Variants in TRAIP observed in about 807,000 individuals in gnomAD.
TRAIP encodes the protein E3 ubiquitin-protein ligase TRAIP.
Under a neutral mutation model 65.0 loss-of-function variants are expected in TRAIP, and 37 were observed. The observed-to-expected ratio is 0.57, with a 90% confidence interval of 0.44 to 0.75. The LOEUF (loss-of-function observed/expected upper bound fraction) is 0.75, where lower values mean the gene tolerates loss of function less well. Among genes scored for constraint, TRAIP ranks in the 30% least tolerant of loss-of-function variants. TRAIP has a pLI of 0.00. For synonymous variants in TRAIP, 187 were observed against 219.1 expected (o/e 0.85, Z 1.29); for missense variants, 481 against 579.4 (o/e 0.83, Z 1.74).
chr3:49,853,180 C>T (rs2352974), intron 1 of TRAIP, among the ~76,000 whole-genome samples: 69,541 of 151,424 alleles, frequency 0.46, 16,647 homozygotes, highest in African/African-American at 0.55. Flanking sequence ...TACACTATAC[C>T]AAAACTGCAG....
rs2081858914 is a variant in TRAIP at position 49,843,791 on chromosome 3, G to A, written c.408+10C>T. ...TATGAATTCTGTACCCATAAAACCT[G>A]AGGACCTACTTTCAGTGTGGAGCAC... On this transcript the variant is annotated intron_variant, in intron 5 of 14. Transcript: ENST00000331456. The A allele has an allele frequency of 1.2e-6, 2 of 1,611,108 alleles. No individual in the cohort carries two copies. The highest frequency in any genetic ancestry group is 1.3e-5 in the African/African-American group (1 of 74,886).
Position 49,829,068 on chromosome 3 carries a change from G to A in TRAIP, c.*35C>T, listed in dbSNP as rs904502572. The A allele has an allele frequency of 1.2e-6, 2 of 1,614,084 alleles. No individual in the cohort carries two copies. Among genetic ancestry groups the A allele is most frequent in the Non-Finnish European group, 1.7e-6 (2 of 1,179,958 alleles). On this transcript the variant is annotated 3_prime_UTR_variant, in exon 15 of 15. Coordinates refer to ENST00000331456, the MANE Select transcript of TRAIP (RefSeq NM_005879.3). ...GACAGTCCTTGACCTACAAGTTGCA[G>A]GCATGTGTCTGGCCATTGGTCAGAC...
chr3:49,847,518 TG>T lies in TRAIP; in HGVS notation c.240+6del. The T allele has an allele frequency of 1.3e-6, 2 of 1,594,154 alleles. No homozygotes were observed. Among genetic ancestry groups the T allele is most frequent in the Non-Finnish European group, 1.7e-6 (2 of 1,167,280 alleles). ...GAGTTCAGTAGAATCAGATAAATTC[TG>T]GGTACCTTTAAGAATTCTGCATCCA... On this transcript the variant is annotated splice_donor_region_variant and intron_variant, in intron 3 of 14. Coordinates refer to ENST00000331456, the MANE Select transcript of TRAIP (RefSeq NM_005879.3).
rs745919040 is a variant in TRAIP, at chr3:49,829,684, C to T, written c.1169G>A (p.Arg390Gln). 13 of 1,614,100 alleles carry T rather than the reference C, an allele frequency of 8.1e-6. No individual in the cohort carries two copies. Among genetic ancestry groups the T allele is most frequent in the Middle Eastern group, 1.6e-4 (1 of 6,062 alleles). The change falls in exon 13 of 15, where the codon CGG becomes CAG. Residue 390 changes from arginine to glutamine, a missense_variant. Physicochemically the swap from Arg to Gln is conservative, Grantham distance 43 (BLOSUM62 1). Coordinates refer to ENST00000331456, the MANE Select transcript of TRAIP (RefSeq NM_005879.3). ...CTGTTTCTGGCCTAGGATGGCATTC[C>T]GGACAAAAATAGGGAAGGCACCAAC... ...ELVGAFPIFV[R>Q]NAILGQKQPK... is the part of the protein sequence containing the mutation.
At chr3:49,831,199 C>G (rs1195834590) in intron 11 of TRAIP, among the ~76,000 whole-genome samples, 2 of 152,208 alleles carry the variant, frequency 1.3e-5, no homozygotes, top group African/African-American at 4.8e-5. Context: ...CCCTCTTGCT[C>G]CCTTCCACCT....
chr3:49,844,692 C>G (rs1223092552), intron 3 of TRAIP, 112 bp from the exon 4 acceptor site: 1 of 1,235,602 alleles, frequency 8.1e-7, no homozygotes, highest in African/African-American at 1.5e-5. Flanking sequence ...CCTTCTAGGG[C>G]ATGAATCCTG....
intron 4 of TRAIP, 52 bp from the exon 5 acceptor site, chr3:49,843,980 G>A: frequency 6.4e-7 from 1 of 1,561,684 alleles, no homozygotes; most frequent in Non-Finnish European, 8.7e-7. Context: ...CCATCCATCA[G>A]CAGAAGAACT....
At chr3:49,833,770 C>T (rs1178886777) in intron 10 of TRAIP, among the ~76,000 whole-genome samples, 4 of 152,174 alleles carry the variant, frequency 2.6e-5, no homozygotes, top group Admixed American at 6.5e-5. Flanking sequence ...TGAGCCACCG[C>T]GCCCGGCCTT....
At chr3:49,831,723 G>C (rs1328776809) in intron 11 of TRAIP, among the ~76,000 whole-genome samples, 193 bp downstream of exon 11, 1 of 152,202 alleles carries the variant, frequency 6.6e-6, no homozygotes, top group Non-Finnish European at 1.5e-5. Flanking sequence ...GGAATAATGA[G>C]AAAAGAGAAG....
At chr3:49,840,200 G>A (rs1448857958) in intron 9 of TRAIP, 84 bp downstream of exon 9, 1 of 1,262,496 alleles carries the variant, frequency 7.9e-7, no homozygotes, top group Non-Finnish European at 1.1e-6. Context: ...TGGTGCAAGG[G>A]TCCTGGGCAG....
chr3:49,833,680 C>T (rs1435368949), intron 10 of TRAIP, among the ~76,000 whole-genome samples: 1 of 152,060 alleles, frequency 6.6e-6, no homozygotes, highest in Non-Finnish European at 1.5e-5. Flanking sequence ...GGGGTTACAC[C>T]GTGTTAGCCA....
At chr3:49,855,198 C>G (rs1218300721) in intron 1 of TRAIP, among the ~76,000 whole-genome samples, 2 of 152,210 alleles carry the variant, frequency 1.3e-5, no homozygotes, top group African/African-American at 4.8e-5. Context: ...AGGATAGGCC[C>G]TAGCACTTTG....
At chr3:49,842,610 C>T in intron 5 of TRAIP, 63 bp from the exon 6 acceptor site, 1 of 1,471,390 alleles carries the variant, frequency 6.8e-7, no homozygotes, top group Non-Finnish European at 9.5e-7. Flanking sequence ...GCTAAAGTCA[C>T]TAGGAAAACT....
chr3:49,842,526 G>A lies in TRAIP; in HGVS notation c.430C>T (p.Gln144Ter), dbSNP rs1482292630. 1 of 1,613,770 alleles carries A rather than the reference G, an allele frequency of 6.2e-7. No individual in the cohort carries two copies. The highest frequency in any genetic ancestry group is 1.7e-5 in the Admixed American group (1 of 60,028). The part of the protein sequence containing the change: ...TLKKQMKYLE[Q>*]QQDETKQAQE... ...GCTTGTTTGGTCTCATCCTGCTGCTGCTCTAAGTACTTCATCTGCTTCTGA... is the reference window on the plus strand; with the variant it reads ...GCTTGTTTGGTCTCATCCTGCTGCTACTCTAAGTACTTCATCTGCTTCTGA... The change falls in exon 6 of 15, where the codon CAG (glutamine) becomes TAG (stop). Residue 144 changes from glutamine (Q) to a stop codon, truncating the protein, a stop_gained. Coordinates refer to ENST00000331456, the MANE Select transcript of TRAIP (RefSeq NM_005879.3). LOFTEE classifies it high-confidence loss of function.
At chr3:49,849,845 T>TC (rs2081916135) in intron 1 of TRAIP, among the ~76,000 whole-genome samples, 1 of 129,844 alleles carries the variant, frequency 7.7e-6, no homozygotes, top group African/African-American at 2.9e-5. Context: ...CTTTTCTTTT[T>TC]TTTTTTTTTT....
At position 49,856,443 on chromosome 3, in the gene TRAIP, C is replaced by T. The variant is rs2081970470; in HGVS notation, c.11G>A (p.Arg4His). Residue 4 changes from arginine (R) to histidine (H), a missense_variant, in exon 1 of 15, where the codon CGT becomes CAT. Physicochemically the swap from Arg to His is conservative, Grantham distance 29. Transcript: ENST00000331456. ...GTCGGAGCAGATAGTGCACAGAGCA[C>T]GGATAGGCATGATGGCTGGACTCAA... Reference protein sequence around the residue: MPIRALCTICSDFF... With the variant: MPIHALCTICSDFF... 1.2e-6 allele frequency: 2 copies of T among 1,613,896 alleles called. No individual in the cohort carries two copies. Among genetic ancestry groups the T allele is most frequent in the African/African-American group, 2.7e-5 (2 of 75,062 alleles).
At chr3:49,844,699 C>A in intron 3 of TRAIP, 119 bp from the exon 4 acceptor site, 1 of 1,087,452 alleles carries the variant, frequency 9.2e-7, no homozygotes, top group Non-Finnish European at 1.4e-6. Flanking sequence ...GGGCATGAAT[C>A]CTGCAGTGCC....
At chr3:49,836,528 A>C (rs796618105) in intron 10 of TRAIP, among the ~76,000 whole-genome samples, 2 of 149,630 alleles carry the variant, frequency 1.3e-5, no homozygotes, top group Non-Finnish European at 2.9e-5. Flanking sequence ...AAAGAAAAAG[A>C]AAAAGCAAAG....
chr3:49,838,747 A>G (rs988585320), intron 10 of TRAIP, among the ~76,000 whole-genome samples: 7 of 151,930 alleles, frequency 4.6e-5, no homozygotes, highest in Admixed American at 2.6e-4. Context: ...TTAGCTGGGC[A>G]TGGTGACACA....
Sources: gnomAD v4.1 joint callset for allele counts (sites outside exome capture counted in the v4.1 genomes callset) on GRCh38, gnomAD v4.1.1 for gene constraint, MANE v1.5 for transcripts, NCBI Gene and HGNC (gene_info 2026-07-23, HGNC 2026-07-21) for gene names.